The following NR6A1 variants were observed in gnomAD, a reference collection of about 807,000 sequenced individuals.
NR6A1 encodes nuclear receptor subfamily 6 group A member 1, also known as retinoic acid receptor-related testis-associated receptor.
In NR6A1, 7 loss-of-function variants were observed where a neutral mutation model predicts 59.1. That is an observed-to-expected ratio of 0.12 (90% CI 0.07 to 0.22). The LOEUF (loss-of-function observed/expected upper bound fraction) is 0.22. Ranked by LOEUF, NR6A1 falls within the 10% of genes least tolerant of loss-of-function variation. The pLI, the probability that NR6A1 is intolerant of heterozygous loss-of-function variation, is 1.00. For synonymous variants in NR6A1, 243 were observed against 236.1 expected (o/e 1.03, Z -0.27); for missense variants, 468 against 611.6 (o/e 0.77, Z 2.48).
intron 2 of NR6A1, among the ~76,000 whole-genome samples, chr9:124,618,144 T>C (rs974068105): frequency 6.6e-6 from 1 of 152,212 alleles, no homozygotes; most frequent in Non-Finnish European, 1.5e-5. Flanking sequence ...CATTTTAAAC[T>C]GAGCTGGGGG....
chr9:124,587,155 T>C (rs187871417), intron 2 of NR6A1, among the ~76,000 whole-genome samples: 37 of 152,346 alleles, frequency 2.4e-4, no homozygotes, highest in African/African-American at 8.7e-4. Context: ...AAGCCTCAGA[T>C]GGTCGTTTGC....
chr9:124,697,660 A>G (rs1054134922), intron 2 of NR6A1, among the ~76,000 whole-genome samples: 4 of 151,578 alleles, frequency 2.6e-5, no homozygotes, highest in Admixed American at 2.0e-4. Context: ...ACAAGGCCAG[A>G]AAAGAAGGTA....
intron 1 of NR6A1, 40 bp downstream of exon 1, chr9:124,770,980 G>A (rs1470069483): frequency 9.0e-7 from 1 of 1,116,024 alleles, no homozygotes. Flanking sequence ...TCAGGAAGCC[G>A]GTTCCTGCCT....
chr9:124,525,284 A>AACACACACACACACACAC (rs71492413), intron 8 of NR6A1, among the ~76,000 whole-genome samples: 110 of 137,390 alleles, frequency 8.0e-4, no homozygotes, highest in Middle Eastern at 3.6e-3. Context: ...ATGCTTGTAA[A>AACACACACACACACACAC]ACACACACAC....
At chr9:124,532,081 T>A (rs1037051782) in intron 7 of NR6A1, among the ~76,000 whole-genome samples, 2 of 152,206 alleles carry the variant, frequency 1.3e-5, no homozygotes, top group African/African-American at 4.8e-5. Flanking sequence ...AACCCCAAAT[T>A]ATTTAGATTG....
At chr9:124,758,063 T>C (rs1840684838) in intron 1 of NR6A1, among the ~76,000 whole-genome samples, 1 of 152,252 alleles carries the variant, frequency 6.6e-6, no homozygotes, top group African/African-American at 2.4e-5. Flanking sequence ...TGCAGTCAGT[T>C]CTGAATTCCA....
At chr9:124,758,557 G>T (rs1297789325) in intron 1 of NR6A1, among the ~76,000 whole-genome samples, 2 of 151,830 alleles carry the variant, frequency 1.3e-5, no homozygotes, top group Admixed American at 6.6e-5. Flanking sequence ...GGTTATAAAT[G>T]AAAAAAGTGA....
chr9:124,571,684 G>A (rs1271804719), intron 2 of NR6A1, among the ~76,000 whole-genome samples: 3 of 152,208 alleles, frequency 2.0e-5, no homozygotes, highest in Non-Finnish European at 4.4e-5. Context: ...AAGGATATTT[G>A]TCTAGGTGGT....
chr9:124,703,664 G>T (rs1839034782), intron 2 of NR6A1, among the ~76,000 whole-genome samples: 1 of 152,154 alleles, frequency 6.6e-6, no homozygotes, highest in Non-Finnish European at 1.5e-5. Context: ...TTTGTTAAAA[G>T]ATTTTTACAC....
chr9:124,683,867 C>T (rs1033353806), intron 2 of NR6A1, among the ~76,000 whole-genome samples: 3 of 152,124 alleles, frequency 2.0e-5, no homozygotes, highest in African/African-American at 7.2e-5. Context: ...GAGGTTAAAC[C>T]ACTTGCCAAA....
At chr9:124,646,721 T>C (rs1213081771) in intron 2 of NR6A1, among the ~76,000 whole-genome samples, 1 of 152,172 alleles carries the variant, frequency 6.6e-6, no homozygotes, top group Non-Finnish European at 1.5e-5. Context: ...CGAACTTGTG[T>C]TGGGCCACAT....
chr9:124,584,908 G>A (rs1015162335), intron 2 of NR6A1, among the ~76,000 whole-genome samples: 3 of 152,226 alleles, frequency 2.0e-5, no homozygotes, highest in Admixed American at 2.0e-4. Flanking sequence ...TAGGCCTCTT[G>A]CTCCAAAGAG....
At chr9:124,622,344 A>T (rs957862492) in intron 2 of NR6A1, among the ~76,000 whole-genome samples, 3 of 152,212 alleles carry the variant, frequency 2.0e-5, no homozygotes, top group African/African-American at 7.2e-5. Context: ...AACTGGGTTG[A>T]CAATGTCGGT....
chr9:124,570,169 A>C (rs1157557621), intron 2 of NR6A1, among the ~76,000 whole-genome samples: 1 of 152,202 alleles, frequency 6.6e-6, no homozygotes, highest in Non-Finnish European at 1.5e-5. Context: ...AGATGAATAC[A>C]TAATTGACTA....
chr9:124,664,459 C>T (rs1837543337), intron 2 of NR6A1, among the ~76,000 whole-genome samples: 1 of 152,126 alleles, frequency 6.6e-6, no homozygotes, highest in Non-Finnish European at 1.5e-5. Context: ...CACATTCATA[C>T]TAAAAGCTAA....
At chr9:124,608,741 C>G (rs557676127) in intron 2 of NR6A1, among the ~76,000 whole-genome samples, 5 of 152,322 alleles carry the variant, frequency 3.3e-5, no homozygotes, top group African/African-American at 1.2e-4. Context: ...AACGGTTGAA[C>G]TAACTGACAT....
intron 2 of NR6A1, among the ~76,000 whole-genome samples, chr9:124,690,374 T>G (rs1838495514): frequency 6.6e-6 from 1 of 152,160 alleles, no homozygotes; most frequent in African/African-American, 2.4e-5. Context: ...GTTTCAATAT[T>G]TCATGGTTTC....
intron 2 of NR6A1, among the ~76,000 whole-genome samples, chr9:124,726,455 G>A (rs185993633): frequency 1.3e-5 from 2 of 152,284 alleles, no homozygotes; most frequent in East Asian, 3.9e-4. Flanking sequence ...GGAGGAAGTG[G>A]AGATGAAGAT....
chr9:124,650,558 T>G (rs1198129579), intron 2 of NR6A1, among the ~76,000 whole-genome samples: 1 of 152,196 alleles, frequency 6.6e-6, no homozygotes, highest in Admixed American at 6.5e-5. Flanking sequence ...CACAACAATT[T>G]ACCGCATATT....
Sources: gnomAD v4.1 joint callset for allele counts (sites outside exome capture counted in the v4.1 genomes callset) on GRCh38, gnomAD v4.1.1 for gene constraint, MANE v1.5 for transcripts, NCBI Gene and HGNC (gene_info 2026-07-23, HGNC 2026-07-21) for gene names.